The following PBX1 variants were observed in gnomAD, a reference collection of about 807,000 sequenced individuals.
The protein encoded by PBX1 is PBX homeobox 1, also known as pre-B-cell leukemia transcription factor 1.
A neutral mutation model predicts 53.4 loss-of-function variants in PBX1; 6 were observed. That is an observed-to-expected ratio of 0.11 (90% CI 0.06 to 0.22). The LOEUF is 0.22. Ranked by LOEUF, PBX1 falls within the 10% of genes least tolerant of loss-of-function variation. The pLI, the probability that PBX1 is intolerant of heterozygous loss-of-function variation, is 1.00. For synonymous variants in PBX1, 204 were observed against 212.3 expected (o/e 0.96, Z 0.34); for missense variants, 251 against 551.4 (o/e 0.46, Z 5.46).
chr1:164,647,079 A>C (rs908512993), intron 2 of PBX1, among the ~76,000 whole-genome samples: 9 of 152,094 alleles, frequency 5.9e-5, no homozygotes, highest in Non-Finnish European at 1.0e-4. Context: ...CATGGATTTT[A>C]TTTGCTTGGG....
intron 2 of PBX1, among the ~76,000 whole-genome samples, chr1:164,767,156 T>G (rs1425508852): frequency 6.6e-6 from 1 of 152,214 alleles, no homozygotes; most frequent in Non-Finnish European, 1.5e-5. Context: ...TAATTATGTC[T>G]GTTCACTCTT....
At position 164,766,734 on chromosome 1, in the gene PBX1, A is replaced by T. The variant is rs867909808; in HGVS notation, c.266-25760A>T. On this transcript the variant is annotated intron_variant, in intron 2 of 8. Coordinates refer to ENST00000420696, the MANE Select transcript of PBX1 (RefSeq NM_002585.4). ...TTCCTTTTCTTTTATTTATTTATTT[A>T]TTTATTTTTTTTTTTTTGAGACAGA... Among the ~76,000 whole-genome samples, 118 of 110,440 alleles carry T rather than the reference A, an allele frequency of 1.1e-3. 1 individual carries two copies. The highest frequency in any genetic ancestry group is 4.0e-3 in the East Asian group (13 of 3,248). 72.5% of individuals were successfully genotyped at this position (110,440 alleles called of 152,430 possible).
At chr1:164,769,221 T>G (rs1264313474) in intron 2 of PBX1, 1 of 152,156 alleles carries the variant, frequency 6.6e-6, no homozygotes, top group African/African-American at 2.4e-5. Context: ...TCATGAAGAA[T>G]CTCACAGGGG....
chr1:164,736,370 A>C (rs1665271423), intron 2 of PBX1, among the ~76,000 whole-genome samples: 1 of 152,178 alleles, frequency 6.6e-6, no homozygotes, highest in South Asian at 2.1e-4. Flanking sequence ...CACCAAAGCC[A>C]GCTAATGCGA....
At chr1:164,871,320 G>A (rs1238829983) in intron 2 of PBX1, among the ~76,000 whole-genome samples, 2 of 152,214 alleles carry the variant, frequency 1.3e-5, no homozygotes, top group Non-Finnish European at 2.9e-5. Context: ...GAGGTAGGGA[G>A]AGAGCCAGGC....
At chr1:164,782,988 TTTG>T (rs1413425743) in intron 2 of PBX1, among the ~76,000 whole-genome samples, 1 of 152,188 alleles carries the variant, frequency 6.6e-6, no homozygotes. Context: ...TTAATGGAAA[TTTG>T]AAAGCAGCCA....
At chr1:164,601,512 A>C (rs530255711) in intron 2 of PBX1, among the ~76,000 whole-genome samples, 3 of 152,274 alleles carry the variant, frequency 2.0e-5, no homozygotes, top group Non-Finnish European at 4.4e-5. Context: ...TAGGGGAAAA[A>C]ACCATCTCAC....
intron 2 of PBX1, chr1:164,700,826 G>T (rs1028080463): frequency 2.4e-5 from 16 of 680,650 alleles, no homozygotes; most frequent in Non-Finnish European, 2.9e-5. Flanking sequence ...GGCCAGCCCT[G>T]TATATTGCCA....
rs1328835049 is a variant in PBX1 at position 164,847,158 on chromosome 1, T to C, written c.*482T>C. 6 of 1,088,736 alleles carry C rather than the reference T, an allele frequency of 5.5e-6. No individual in the cohort carries two copies. The highest frequency in any genetic ancestry group is 4.4e-5 in the East Asian group (1 of 22,570). 67.4% of individuals were successfully genotyped at this position (1,088,736 alleles called of 1,614,324 possible). On this transcript the variant is annotated 3_prime_UTR_variant, in exon 9 of 9. Transcript: ENST00000420696. ...AGGCAATCCTTCTCTGTTTCTCTTATTACTCTCACTACCTCTTAGCAGGAA... is the reference window on the plus strand; with the variant it reads ...AGGCAATCCTTCTCTGTTTCTCTTACTACTCTCACTACCTCTTAGCAGGAA...
intron 2 of PBX1, among the ~76,000 whole-genome samples, chr1:164,586,791 A>G (rs1654976943): frequency 6.6e-6 from 1 of 152,214 alleles, no homozygotes; most frequent in African/African-American, 2.4e-5. Flanking sequence ...TGGGGCATGC[A>G]GTGAATATGG....
chr1:164,785,638 G>C (rs189603828), intron 2 of PBX1, among the ~76,000 whole-genome samples: 1 of 152,316 alleles, frequency 6.6e-6, no homozygotes, highest in East Asian at 1.9e-4. Context: ...CGTAAACCAT[G>C]GGCTTCTTGA....
At chr1:164,786,681 C>CTG (rs74747780) in intron 2 of PBX1, among the ~76,000 whole-genome samples, 3,734 of 140,520 alleles carry the variant, frequency 0.027, 58 homozygotes, top group Non-Finnish European at 0.03. Context: ...TCAGAAGAGA[C>CTG]TGTGTGTGTG....
At chr1:164,650,431 A>G (rs991111564) in intron 2 of PBX1, among the ~76,000 whole-genome samples, 9 of 151,988 alleles carry the variant, frequency 5.9e-5, no homozygotes, top group African/African-American at 1.9e-4. Flanking sequence ...GTTTGACCAT[A>G]TTGGCCAGGT....
At chr1:164,780,819 C>G (rs975422915) in intron 2 of PBX1, among the ~76,000 whole-genome samples, 1 of 152,152 alleles carries the variant, frequency 6.6e-6, no homozygotes, top group Admixed American at 6.5e-5. Flanking sequence ...GCCCTTACCC[C>G]ATTCCACTGT....
In PBX1 at chr1:164,559,799, C is replaced by G. The variant is rs921304480; in HGVS notation, c.-24C>G. On this transcript the variant is annotated 5_prime_UTR_variant, in exon 1 of 9. Coordinates refer to ENST00000420696, the MANE Select transcript of PBX1 (RefSeq NM_002585.4). ...AGCCGAGGAGCAGAAGAGGAAGAGC[C>G]GGGGGCTGCCGTAGCCTTTGGAGAT... 6 of 1,525,174 alleles carry G rather than the reference C, an allele frequency of 3.9e-6. No homozygotes were observed. The highest frequency in any genetic ancestry group is 2.8e-5 in the African/African-American group (2 of 71,442). 94.5% of individuals were successfully genotyped at this position (1,525,174 alleles called of 1,614,324 possible).
chr1:164,853,054 G>A (rs150308402), downstream of PBX1, among the ~76,000 whole-genome samples: 90 of 152,222 alleles, frequency 5.9e-4, no homozygotes, highest in African/African-American at 1.7e-3. Flanking sequence ...TCTCACTTAC[G>A]GTATAGCCTA....
intron 2 of PBX1, among the ~76,000 whole-genome samples, chr1:164,620,294 TTTTAC>T (rs1226181454): frequency 1.3e-5 from 2 of 152,194 alleles, no homozygotes; most frequent in African/African-American, 2.4e-5. Flanking sequence ...AGCACATCTG[TTTTAC>T]TTATTCAAGC....
At chr1:164,773,690 G>A (rs1451717366) in intron 2 of PBX1, among the ~76,000 whole-genome samples, 2 of 152,092 alleles carry the variant, frequency 1.3e-5, no homozygotes, top group Admixed American at 6.5e-5. Context: ...ACACTGCATG[G>A]GCCATGACTC....
chr1:164,767,916 T>C (rs1310562704), intron 2 of PBX1, among the ~76,000 whole-genome samples: 1 of 152,018 alleles, frequency 6.6e-6, no homozygotes. Flanking sequence ...AGATTTCAAA[T>C]GAAGGACTCA....
Sources: gnomAD v4.1 joint callset for allele counts (sites outside exome capture counted in the v4.1 genomes callset) on GRCh38, gnomAD v4.1.1 for gene constraint, MANE v1.5 for transcripts, NCBI Gene and HGNC (gene_info 2026-07-23, HGNC 2026-07-21) for gene names.